The following IGSF10 variants were observed in gnomAD, a reference collection of about 807,000 sequenced individuals.
IGSF10 encodes the protein calvaria mechanical force protein 608.
Under a neutral mutation model 128.2 loss-of-function variants are expected in IGSF10, and 126 were observed. That is an observed-to-expected ratio of 0.98 (90% CI 0.85 to 1.14). The LOEUF (loss-of-function observed/expected upper bound fraction) is 1.14. Ranked by LOEUF, IGSF10 falls within the 50% of genes most tolerant of loss-of-function variation. IGSF10 has a pLI of 0.00. For synonymous variants in IGSF10, 1,185 were observed against 1,146.2 expected (o/e 1.03, Z -0.68); for missense variants, 3,295 against 3,149.8 (o/e 1.05, Z -1.10).
intron 7 of IGSF10, among the ~76,000 whole-genome samples, chr3:151,442,353 G>T (rs1433174520): frequency 6.6e-6 from 1 of 150,742 alleles, no homozygotes; most frequent in African/African-American, 2.4e-5. Context: ...TGTTTACAGA[G>T]AGTGTGAATA....
chr3:151,536,295 C>T, the IGSF10 span, among the ~76,000 whole-genome samples: 1 of 152,156 alleles, frequency 6.6e-6, no homozygotes, highest in East Asian at 1.9e-4. Context: ...CTGGCAGCCT[C>T]TCAACTCCAC....
In IGSF10 at chr3:151,447,593, G is replaced by A; in HGVS notation, c.2388C>T (p.Ser796=). 1.2e-6 allele frequency: 2 copies of A among 1,614,146 alleles called. No individual in the cohort carries two copies. Among genetic ancestry groups the A allele is most frequent in the Non-Finnish European group, 1.7e-6 (2 of 1,180,014 alleles). ...LPNIPGEEDD[S]SGMLALHEEF... ...CCTCATGTAGAGCGAGCATGCCTGAGGAATCGTCTTCTTCACCAGGTATGT... is the reference window on the plus strand; with the variant it reads ...CCTCATGTAGAGCGAGCATGCCTGAAGAATCGTCTTCTTCACCAGGTATGT... The change falls in exon 6 of 8, where the codon TCC becomes TCT. Residue 796 remains serine, a synonymous_variant. Coordinates refer to ENST00000282466, the MANE Select transcript of IGSF10 (RefSeq NM_178822.5).
At chr3:151,471,790 G>A in the IGSF10 span, among the ~76,000 whole-genome samples, 1 of 152,178 alleles carries the variant, frequency 6.6e-6, no homozygotes, top group Non-Finnish European at 1.5e-5. Context: ...TCAGGATAAT[G>A]CTTTAGCAGA....
chr3:151,437,954 C>T lies in IGSF10; in HGVS notation c.6607G>A (p.Val2203Met). Reference protein sequence around the residue: ...HANGSLTINKVKLLDSGEYVC... With the variant: ...HANGSLTINKMKLLDSGEYVC... ...TACTCTCCAGAATCGAGCAGTTTCA[C>T]TTTGTTGATGGTCAAAGACCCATTG... The change falls in exon 8 of 8, where the codon GTG becomes ATG. Residue 2203 changes from valine to methionine, a missense_variant. Coordinates refer to ENST00000282466, the MANE Select transcript of IGSF10 (RefSeq NM_178822.5). 1 of 1,614,204 alleles carries T rather than the reference C, an allele frequency of 6.2e-7. No homozygotes were observed. The highest frequency in any genetic ancestry group is 8.5e-7 in the Non-Finnish European group (1 of 1,180,030).
chr3:151,598,113 A>G, the IGSF10 span, among the ~76,000 whole-genome samples: 2 of 99,108 alleles, frequency 2.0e-5, no homozygotes, highest in Non-Finnish European at 4.3e-5. Flanking sequence ...GTGTGTGTGA[A>G]TACTTCAGTA....
At chr3:151,457,564 C>G (rs1212909813) in intron 3 of IGSF10, among the ~76,000 whole-genome samples, 1 of 152,192 alleles carries the variant, frequency 6.6e-6, no homozygotes, top group Admixed American at 6.5e-5. Context: ...AGCCTGGGCT[C>G]TGGAGGCCAG....
the IGSF10 span, among the ~76,000 whole-genome samples, chr3:151,557,710 G>T: frequency 2.0e-5 from 3 of 151,752 alleles, no homozygotes; most frequent in Non-Finnish European, 4.4e-5. Context: ...AAGAGATTCT[G>T]CTTCTAATAC....
chr3:151,493,966 G>A, the IGSF10 span, among the ~76,000 whole-genome samples: 12 of 152,062 alleles, frequency 7.9e-5, no homozygotes, highest in Non-Finnish European at 1.5e-4. Context: ...CACAGCAATA[G>A]ATGACTAAAA....
In IGSF10 at chr3:151,447,107, T is replaced by G. The variant is rs559135345; in HGVS notation, c.2874A>C (p.Val958=). 1.2e-5 allele frequency: 20 copies of G among 1,614,232 alleles called. No individual in the cohort carries two copies. The South Asian group carries it at 2.2e-4, about 18-fold the overall frequency. Residue 958 remains valine (V), a synonymous_variant, in exon 6 of 8, where the codon GTA becomes GTC. Coordinates refer to ENST00000282466, the MANE Select transcript of IGSF10 (RefSeq NM_178822.5). ...TGTGCCTGGGTTCACTCACTTCTCT[T>G]ACAGATGTCTGATGACTATTTGTGG... ...VNTTNSHQTS[V]REVSEPRHNH...
the IGSF10 span, among the ~76,000 whole-genome samples, chr3:151,529,902 C>T: frequency 4.6e-5 from 7 of 151,952 alleles, no homozygotes; most frequent in Non-Finnish European, 8.8e-5. Flanking sequence ...TGGGTAATAA[C>T]AAACTCCTCC....
chr3:151,582,353 A>G, the IGSF10 span, among the ~76,000 whole-genome samples: 2 of 150,680 alleles, frequency 1.3e-5, no homozygotes, highest in Admixed American at 1.3e-4. Flanking sequence ...TACTCAGATC[A>G]AGAAATAGAG....
chr3:151,478,239 G>T, the IGSF10 span, among the ~76,000 whole-genome samples: 2 of 152,228 alleles, frequency 1.3e-5, no homozygotes, highest in African/African-American at 4.8e-5. Context: ...TAGTTTGCCT[G>T]CTCCTGTGTT....
the IGSF10 span, among the ~76,000 whole-genome samples, chr3:151,536,471 C>A: frequency 6.6e-6 from 1 of 152,166 alleles, no homozygotes; most frequent in African/African-American, 2.4e-5. Context: ...GAAATTCAAA[C>A]TTAATTGAGC....
At chr3:151,601,592 T>A in the IGSF10 span, among the ~76,000 whole-genome samples, 1 of 152,208 alleles carries the variant, frequency 6.6e-6, no homozygotes, top group African/African-American at 2.4e-5. Context: ...GGGCCTGTGT[T>A]CTTTGCCTAT....
rs1370595979 is a variant in IGSF10, at chr3:151,449,131, T to C, written c.850A>G (p.Ile284Val). Residue 284 changes from isoleucine (I) to valine (V), a missense_variant, in exon 6 of 8, where the codon ATT (isoleucine) becomes GTT (valine). By Grantham distance (29) the Ile-to-Val change is conservative. Coordinates refer to ENST00000282466, the MANE Select transcript of IGSF10 (RefSeq NM_178822.5). ...AAAFQCAKPT[I>V]DSSLKSKSLT... is the part of the protein sequence containing the mutation. ...CTCTTTGATTTCAGGGATGAGTCAA[T>C]GGTTGGCTTGGCACACTGGAAAGCT... is the stretch of plus-strand genomic sequence containing the variant. The C allele has an allele frequency of 6.2e-7, 1 of 1,614,174 alleles. No individual in the cohort carries two copies. The highest frequency in any genetic ancestry group is 1.7e-5 in the Admixed American group (1 of 60,018).
chr3:151,537,243 C>T, the IGSF10 span, among the ~76,000 whole-genome samples: 5 of 152,188 alleles, frequency 3.3e-5, no homozygotes, highest in South Asian at 6.2e-4. Flanking sequence ...TTACTCAATA[C>T]GTATAGCACT....
At chr3:151,602,888 C>T in the IGSF10 span, among the ~76,000 whole-genome samples, 15 of 152,242 alleles carry the variant, frequency 9.9e-5, no homozygotes, top group African/African-American at 3.4e-4. Flanking sequence ...TTTTTCTTTT[C>T]GTATTTTCTG....
At chr3:151,597,664 C>G in the IGSF10 span, among the ~76,000 whole-genome samples, 9 of 152,190 alleles carry the variant, frequency 5.9e-5, no homozygotes, top group Non-Finnish European at 7.3e-5. Flanking sequence ...CGCCTGTAAT[C>G]CCAGCACTTT....
the IGSF10 span, among the ~76,000 whole-genome samples, chr3:151,481,137 C>A: frequency 6.6e-5 from 10 of 152,290 alleles, no homozygotes; most frequent in African/African-American, 2.2e-4. Flanking sequence ...TGCTGACTCA[C>A]GTAGCTGCAC....
Sources: allele counts gnomAD v4.1 joint callset (sites outside exome capture counted in the v4.1 genomes callset), GRCh38; gene constraint gnomAD v4.1.1; transcripts MANE v1.5; gene names NCBI Gene and HGNC (gene_info 2026-07-23, HGNC 2026-07-21).